The following RABGEF1 variants were observed in gnomAD, a reference collection of about 807,000 sequenced individuals.
RABGEF1 encodes the protein rab5 GDP/GTP exchange factor.
RABGEF1 carries 26 observed loss-of-function variants against 57.3 expected under a neutral mutation model. The ratio of observed to expected loss-of-function variants is 0.45; its 90% CI spans 0.33 to 0.63. The LOEUF is 0.63. Among genes scored for constraint, RABGEF1 ranks in the 20% least tolerant of loss-of-function variants. RABGEF1 has a pLI of 0.02. For synonymous variants in RABGEF1, 185 were observed against 210.7 expected, an observed-to-expected ratio of 0.88 and a Z score of 1.06; for missense variants, 464 against 607.6, an observed-to-expected ratio of 0.76 and a Z score of 2.48.
At chr7:66,742,006 C>T (rs1799091769) in intron 1 of RABGEF1, among the ~76,000 whole-genome samples, 1 of 151,944 alleles carries the variant, frequency 6.6e-6, no homozygotes, top group Non-Finnish European at 1.5e-5. Flanking sequence ...AGAAAATTTG[C>T]CGGGCATCGT....
chr7:66,767,373 A>T (rs1452047478), intron 1 of RABGEF1, among the ~76,000 whole-genome samples: 2 of 151,944 alleles, frequency 1.3e-5, no homozygotes, highest in South Asian at 2.1e-4. Flanking sequence ...GCGAATTTTT[A>T]AATTTTATTA....
At chr7:66,807,567 G>A (rs939330740) in intron 8 of RABGEF1, among the ~76,000 whole-genome samples, 12 of 152,178 alleles carry the variant, frequency 7.9e-5, no homozygotes, top group African/African-American at 2.2e-4. Context: ...GCAGCTCTGG[G>A]TCACCTGTCT....
the RABGEF1 span, among the ~76,000 whole-genome samples, chr7:66,657,890 T>C: frequency 2.0e-5 from 3 of 152,040 alleles, no homozygotes; most frequent in Non-Finnish European, 4.4e-5. Context: ...CTATACCCTC[T>C]AAAGGATCTA....
intron 4 of RABGEF1, among the ~76,000 whole-genome samples, chr7:66,788,008 C>T (rs1461308954): frequency 6.6e-6 from 1 of 152,242 alleles, no homozygotes. Context: ...TATTTAAATC[C>T]TGCCCTTGCT....
At chr7:66,723,561 A>T (rs1469184348) in intron 2 of RABGEF1, among the ~76,000 whole-genome samples, 1 of 151,924 alleles carries the variant, frequency 6.6e-6, no homozygotes, top group Non-Finnish European at 1.5e-5. Context: ...TCTTTAAACA[A>T]TTACTGTTTT....
chr7:66,687,113 CTTTT>C (rs71526570), intron 1 of RABGEF1, among the ~76,000 whole-genome samples: 5 of 103,660 alleles, frequency 4.8e-5, no homozygotes, highest in South Asian at 3.6e-4. Flanking sequence ...CCACGCCCGG[CTTTT>C]TTTTTTTTTT....
At chr7:66,748,942 C>A in intron 1 of RABGEF1, 1 of 226,586 alleles carries the variant, frequency 4.4e-6, no homozygotes, top group South Asian at 7.8e-5. Context: ...TGTTTTATGT[C>A]ATAAGAGCAA....
chr7:66,809,506 T>G lies in RABGEF1; in HGVS notation c.*222T>G. The G allele has an allele frequency of 2.4e-6, 1 of 423,928 alleles. No homozygotes were observed. The highest frequency in any genetic ancestry group is 3.8e-5 in the East Asian group (1 of 26,180). 26.3% of individuals were successfully genotyped at this position (423,928 alleles called of 1,614,324 possible). On this transcript the variant is annotated 3_prime_UTR_variant, in exon 9 of 9. Coordinates refer to ENST00000284957, the MANE Select transcript of RABGEF1 (RefSeq NM_014504.3). Reference sequence around the variant, plus strand: ...CTGATACAGATTCATTTAAGGCTTGTGTGCAAATTTTGTCTCAATCTTTTT... The same window carrying G: ...CTGATACAGATTCATTTAAGGCTTGGGTGCAAATTTTGTCTCAATCTTTTT...
At position 66,697,321 on chromosome 7, in the gene RABGEF1, G is replaced by A. The variant is rs116638963; in HGVS notation, c.-872-14846G>A. Among the ~76,000 whole-genome samples, 1,169 of 152,272 alleles carry A rather than the reference G, an allele frequency of 7.7e-3. 18 individuals carry two copies. The highest frequency in any genetic ancestry group is 0.026 in the African/African-American group (1,093 of 41,556). On this transcript the variant is annotated intron_variant and NMD_transcript_variant, in intron 1 of 9. Coordinates refer to the RABGEF1 transcript ENST00000607882. Reference sequence around the variant, plus strand: ...TGCTGTAGGGGGCTTGCAGCGTGGCGTCTCACAAGTCTTGCATTTCAGGCC... The same window carrying A: ...TGCTGTAGGGGGCTTGCAGCGTGGCATCTCACAAGTCTTGCATTTCAGGCC...
chr7:66,733,455 T>C (rs1400396070), intron 2 of RABGEF1, among the ~76,000 whole-genome samples: 1 of 151,894 alleles, frequency 6.6e-6, no homozygotes, highest in Non-Finnish European at 1.5e-5. Flanking sequence ...TCCCAGCACT[T>C]TGAGAGGCTG....
At chr7:66,755,436 A>G (rs182079504) in intron 1 of RABGEF1, among the ~76,000 whole-genome samples, 5 of 152,190 alleles carry the variant, frequency 3.3e-5, no homozygotes, top group African/African-American at 1.2e-4. Context: ...TGATCATGCC[A>G]CTGCACTCTA....
rs559839340 is a variant in RABGEF1, at chr7:66,779,584, A to T, written c.347-4091A>T. Among the ~76,000 whole-genome samples the T allele has an allele frequency of 4.0e-5, 6 of 151,436 alleles. No individual in the cohort carries two copies. In the South Asian group the frequency reaches 1.3e-3, roughly 32 times the overall value. ...CTACTTGGGAGGCTGAGATGGGAGGATCATTTGTGCCTGGGAGGTTGAGGC... is the reference window on the plus strand; with the variant it reads ...CTACTTGGGAGGCTGAGATGGGAGGTTCATTTGTGCCTGGGAGGTTGAGGC... On this transcript the variant is annotated intron_variant, in intron 3 of 8. Transcript: ENST00000284957.
At chr7:66,793,363 G>A (rs535537538) in intron 4 of RABGEF1, among the ~76,000 whole-genome samples, 2 of 152,212 alleles carry the variant, frequency 1.3e-5, no homozygotes, top group African/African-American at 4.8e-5. Context: ...TTTTGTGCAT[G>A]TAACAGTTTT....
chr7:66,744,432 G>A (rs1799728064), intron 1 of RABGEF1, among the ~76,000 whole-genome samples: 1 of 151,914 alleles, frequency 6.6e-6, no homozygotes, highest in Non-Finnish European at 1.5e-5. Context: ...ACTTTGGGAG[G>A]CTGAGGCAGG....
chr7:66,698,831 A>G (rs779315869), intron 1 of RABGEF1, among the ~76,000 whole-genome samples: 9 of 151,876 alleles, frequency 5.9e-5, no homozygotes, highest in Non-Finnish European at 1.2e-4. Flanking sequence ...CCACCCTGGT[A>G]CTCCTCCACC....
chr7:66,735,706 A>G (rs1365018096), intron 2 of RABGEF1, among the ~76,000 whole-genome samples: 1 of 151,966 alleles, frequency 6.6e-6, no homozygotes, highest in African/African-American at 2.4e-5. Flanking sequence ...TCCCTTTGCT[A>G]TGGCCATGTG....
intron 2 of RABGEF1, among the ~76,000 whole-genome samples, chr7:66,722,155 T>G (rs1256538303): frequency 6.6e-6 from 1 of 152,034 alleles, no homozygotes; most frequent in African/African-American, 2.4e-5. Context: ...GGACCCTGTC[T>G]CAGGGGCTGG....
the RABGEF1 span, among the ~76,000 whole-genome samples, chr7:66,657,569 C>G: frequency 6.6e-6 from 1 of 152,198 alleles, no homozygotes; most frequent in Non-Finnish European, 1.5e-5. Flanking sequence ...TGCCAACATC[C>G]CAGTATTTTG....
At position 66,785,499 on chromosome 7, in the gene RABGEF1, T is replaced by C. The variant is rs537568407; in HGVS notation, c.513+1658T>C. Among the ~76,000 whole-genome samples the C allele has an allele frequency of 2.0e-5, 3 of 152,360 alleles. No individual in the cohort carries two copies. The South Asian group carries it at 6.2e-4, about 32-fold the overall frequency. ...AAATAAACACTCTTTACACCTGAAC[T>C]AACATAACTAGCTTCAGATCACTAA... On this transcript the variant is annotated intron_variant, in intron 4 of 8. Coordinates refer to ENST00000284957, the MANE Select transcript of RABGEF1 (RefSeq NM_014504.3).
Sources: allele counts gnomAD v4.1 joint callset (sites outside exome capture counted in the v4.1 genomes callset), GRCh38; gene constraint gnomAD v4.1.1; transcripts MANE v1.5; gene names NCBI Gene and HGNC (gene_info 2026-07-23, HGNC 2026-07-21).